The following TEX15 variants were observed in gnomAD, a reference collection of about 807,000 sequenced individuals.
TEX15 encodes testis expressed 15, meiosis and synapsis associated.
In TEX15, 171 loss-of-function variants were observed where a neutral mutation model predicts 237.3. The observed-to-expected ratio is 0.72, with a 90% CI of 0.64 to 0.82. TEX15 has a LOEUF of 0.82. Ranked by LOEUF, TEX15 falls within the 40% of genes least tolerant of loss-of-function variation. The pLI, the probability that TEX15 is intolerant of heterozygous loss-of-function variation, is 0.00. For missense variants in TEX15, 3,750 were observed against 3,646.5 expected, an observed-to-expected ratio of 1.03 and a Z score of -0.73; for synonymous variants, 1,338 against 1,269.8, an observed-to-expected ratio of 1.05 and a Z score of -1.14.
At chr8:30,908,160 G>T (rs1809147438) in intron 1 of TEX15, among the ~76,000 whole-genome samples, 2 of 152,130 alleles carry the variant, frequency 1.3e-5, no homozygotes, top group Non-Finnish European at 2.9e-5. Flanking sequence ...CTGAGTCCCA[G>T]TGATCCTCCC....
intron 10 of TEX15, among the ~76,000 whole-genome samples, chr8:30,836,262 T>C (rs1334152049): frequency 3.4e-5 from 4 of 119,336 alleles, no homozygotes. Flanking sequence ...TCACCCAGGC[T>C]GGAGTGCAGT....
At chr8:30,894,319 T>A (rs1808851748) in intron 2 of TEX15, among the ~76,000 whole-genome samples, 2 of 152,034 alleles carry the variant, frequency 1.3e-5, no homozygotes, top group Admixed American at 6.6e-5. Context: ...AGAAAAAAAA[T>A]TCTGTCTCTA....
intron 8 of TEX15, among the ~76,000 whole-genome samples, chr8:30,841,366 A>ACCT (rs1807448900): frequency 6.6e-6 from 1 of 152,010 alleles, no homozygotes; most frequent in Non-Finnish European, 1.5e-5. Context: ...CCATTTACTA[A>ACCT]ATTCTGTGAC....
At chr8:30,906,594 G>GAAAAAAA (rs34052778) in intron 1 of TEX15, among the ~76,000 whole-genome samples, 3 of 96,150 alleles carry the variant, frequency 3.1e-5, no homozygotes, top group Admixed American at 1.0e-4. Flanking sequence ...CATCTCAAAA[G>GAAAAAAA]AAAAAAAAAA....
chr8:30,905,734 CAAAAAAAAAA>C (rs34079195), intron 1 of TEX15, among the ~76,000 whole-genome samples: 1 of 50,992 alleles, frequency 2.0e-5, no homozygotes, highest in African/African-American at 7.9e-5. Context: ...ACAAAAAATA[CAAAAAAAAAA>C]AAAAAAAAAA....
chr8:30,838,082 A>AT, intron 9 of TEX15, 21 bp from the exon 10 acceptor site: 1 of 1,547,800 alleles, frequency 6.5e-7, no homozygotes, highest in Non-Finnish European at 8.7e-7. Context: ...CAACACATAC[A>AT]TAAAAATGAA....
intron 7 of TEX15, among the ~76,000 whole-genome samples, chr8:30,854,729 C>T (rs1271300554): frequency 6.6e-6 from 1 of 151,888 alleles, no homozygotes; most frequent in Admixed American, 6.6e-5. Flanking sequence ...AATATGGACA[C>T]AAAAATCCCC....
chr8:30,847,310 C>CT lies in TEX15; in HGVS notation c.2856dup (p.Asp953ArgfsTer3). On this transcript the variant is annotated frameshift_variant, in exon 8 of 11. Transcript: ENST00000643185. LOFTEE classifies it high-confidence loss of function. ...ACACTTCTTCCAGTATTTTCAGTAT[C>CT]TTTTTGTTTCACGGCACTAATGGTA... 6.2e-7 allele frequency: 1 copy of CT among 1,613,906 alleles called. No homozygotes were observed. The highest frequency in any genetic ancestry group is 1.7e-5 in the Admixed American group (1 of 60,002).
chr8:30,894,513 C>T (rs1246997521), intron 2 of TEX15, among the ~76,000 whole-genome samples: 2 of 152,156 alleles, frequency 1.3e-5, no homozygotes, highest in African/African-American at 4.8e-5. Flanking sequence ...AGACAGACAT[C>T]TAAGACCAAT....
At chr8:30,870,991 C>G (rs1808280007) in intron 4 of TEX15, among the ~76,000 whole-genome samples, 1 of 151,924 alleles carries the variant, frequency 6.6e-6, no homozygotes, top group Non-Finnish European at 1.5e-5. Context: ...TAGAAGTTAC[C>G]CACCATCCTT....
intron 3 of TEX15, among the ~76,000 whole-genome samples, chr8:30,878,345 G>A (rs1192633170): frequency 6.6e-6 from 1 of 151,906 alleles, no homozygotes; most frequent in Admixed American, 6.6e-5. Flanking sequence ...AAATGCCCAA[G>A]GGAAGGACGG....
intron 9 of TEX15, among the ~76,000 whole-genome samples, chr8:30,838,699 C>T (rs368628057): frequency 7.3e-3 from 20 of 2,752 alleles, no homozygotes; most frequent in East Asian, 0.061. Context: ...TATATATATA[C>T]ACACACACAC....
Position 30,847,298 on chromosome 8 carries a change from T to G in TEX15, c.2869A>C (p.Thr957Pro). The change falls in exon 8 of 11, where the codon ACT (threonine) becomes CCT (proline). Residue 957 changes from threonine to proline, a missense_variant. Coordinates refer to ENST00000643185, the MANE Select transcript of TEX15 (RefSeq NM_001350162.2). ...GCCAAATGCTCTACACTTCTTCCAG[T>G]ATTTTCAGTATCTTTTTGTTTCACG... is the stretch of plus-strand genomic sequence containing the variant. ...SAVKQKDTEN[T>P]GRSVEHLAST... 6.2e-7 allele frequency: 1 copy of G among 1,613,988 alleles called. No individual in the cohort carries two copies. The highest frequency in any genetic ancestry group is 8.5e-7 in the Non-Finnish European group (1 of 1,179,878).
intron 3 of TEX15, among the ~76,000 whole-genome samples, chr8:30,879,941 A>T (rs934147761): frequency 4.3e-4 from 54 of 125,896 alleles, no homozygotes; most frequent in African/African-American, 9.3e-4. Flanking sequence ...TTTTTTTTAA[A>T]AAAAAAAATC....
intron 3 of TEX15, among the ~76,000 whole-genome samples, chr8:30,884,891 T>C (rs989143691): frequency 1.3e-5 from 2 of 152,168 alleles, no homozygotes; most frequent in African/African-American, 4.8e-5. Context: ...GTCCTCTTTT[T>C]TCTAGTTTCC....
At chr8:30,863,203 T>A (rs1298075369) in intron 5 of TEX15, among the ~76,000 whole-genome samples, 1 of 152,214 alleles carries the variant, frequency 6.6e-6, no homozygotes, top group Non-Finnish European at 1.5e-5. Context: ...AATAAGGAAA[T>A]CTGAAACCCT....
chr8:30,910,884 T>A (rs978761267), intron 1 of TEX15, among the ~76,000 whole-genome samples: 8 of 152,098 alleles, frequency 5.3e-5, no homozygotes, highest in Non-Finnish European at 1.2e-4. Flanking sequence ...AAGATCTATG[T>A]TTTGTTTTTT....
chr8:30,856,506 T>C (rs1157485535), intron 7 of TEX15, among the ~76,000 whole-genome samples: 5 of 151,942 alleles, frequency 3.3e-5, no homozygotes, highest in East Asian at 3.9e-4. Context: ...GTGAGCCAAG[T>C]TGTGCCACAG....
intron 10 of TEX15, among the ~76,000 whole-genome samples, chr8:30,836,456 C>A (rs1480384009): frequency 2.0e-5 from 3 of 151,926 alleles, no homozygotes; most frequent in Non-Finnish European, 4.4e-5. Context: ...TCGTGATCTG[C>A]CCCCCTCGGC....
Sources: gnomAD v4.1 joint callset for allele counts (sites outside exome capture counted in the v4.1 genomes callset) on GRCh38, gnomAD v4.1.1 for gene constraint, MANE v1.5 for transcripts, NCBI Gene and HGNC (gene_info 2026-07-23, HGNC 2026-07-21) for gene names.